Variants in FIS1 observed in about 807,000 individuals in gnomAD.
FIS1 encodes the protein fission, mitochondrial 1, also known as mitochondrial fission 1 protein.
In FIS1, 16 loss-of-function variants were observed where a neutral mutation model predicts 21.6. That is an observed-to-expected ratio of 0.74 (90% CI 0.50 to 1.12). FIS1 has a LOEUF of 1.12. Ranked by LOEUF, FIS1 falls within the 50% of genes most tolerant of loss-of-function variation. The pLI is 0.00. For synonymous variants in FIS1, 92 were observed against 82.2 expected, an observed-to-expected ratio of 1.12 and a Z score of -0.65; for missense variants, 198 against 190.9, an observed-to-expected ratio of 1.04 and a Z score of -0.22.
rs1051003029 is a variant in FIS1 at position 101,240,386 on chromosome 7, A to C, written c.256-139T>G. On this transcript the variant is annotated intron_variant, in intron 3 of 4. Coordinates refer to ENST00000223136, the MANE Select transcript of FIS1 (RefSeq NM_016068.3). The stretch of plus-strand genomic sequence containing the variant: ...CAATCACAGCCCACTGCAACCTCAA[A>C]CTCCCAGGCTCAAGCAGTCCTCCCG... The C allele has an allele frequency of 1.7e-5, 13 of 770,172 alleles. No homozygotes were observed. The Admixed American group carries it at 3.3e-4, about 19-fold the overall frequency. 47.7% of individuals were successfully genotyped at this position (770,172 alleles called of 1,614,324 possible).
rs530316309 is a variant in FIS1 at position 101,244,019 on chromosome 7, C to T, written c.166G>A (p.Val56Met). ...TACAGCGCCTCACCCTCGAGCAGCA[C>T]GATGCCTTTACGGATGTCATCATTG... Reference protein sequence around the residue: ...KYNDDIRKGIVLLEELLPKGS... With the variant: ...KYNDDIRKGIMLLEELLPKGS... The change falls in exon 2 of 5, where the codon GTG (valine) becomes ATG (methionine). Residue 56 changes from valine (V) to methionine (M), a missense_variant. Val to Met is a conservative substitution (Grantham distance 21, BLOSUM62 1). Coordinates refer to ENST00000223136, the MANE Select transcript of FIS1 (RefSeq NM_016068.3). 2.1e-5 allele frequency: 34 copies of T among 1,613,398 alleles called. No homozygotes were observed. The South Asian group carries it at 3.6e-4, about 17-fold the overall frequency.
In FIS1 at chr7:101,244,001, C is replaced by T; in HGVS notation, c.178+6G>A. 1 of 1,611,898 alleles carries T rather than the reference C, an allele frequency of 6.2e-7. No homozygotes were observed. The highest frequency in any genetic ancestry group is 8.5e-7 in the Non-Finnish European group (1 of 1,179,176). On this transcript the variant is annotated splice_donor_region_variant and intron_variant, in intron 2 of 4. Coordinates refer to ENST00000223136, the MANE Select transcript of FIS1 (RefSeq NM_016068.3). ...GCAGCGGGAAAGGGAGAGTACAGCG[C>T]CTCACCCTCGAGCAGCACGATGCCT...
chr7:101,244,734 G>T lies in FIS1; in HGVS notation c.45+226C>A, dbSNP rs965764417. On this transcript the variant is annotated intron_variant, in intron 1 of 4. Coordinates refer to ENST00000223136, the MANE Select transcript of FIS1 (RefSeq NM_016068.3). ...CAGTCTAACCACGGTCGGGCTCCAG[G>T]CCCGTAGTCTGAGGTGTGGGGGGCT... 4 of 584,984 alleles carry T rather than the reference G, an allele frequency of 6.8e-6. No homozygotes were observed. The Admixed American group carries it at 1.2e-4, about 18-fold the overall frequency. 36.2% of individuals were successfully genotyped at this position (584,984 alleles called of 1,614,324 possible).
chr7:101,240,805 G>A (rs760123325), intron 3 of FIS1, 25 bp downstream of exon 3: 4 of 1,611,352 alleles, frequency 2.5e-6, no homozygotes, highest in Non-Finnish European at 3.4e-6. Context: ...AGAGGAGGGT[G>A]AAGGGAACGG....
chr7:101,244,468 G>T (rs1485276143), intron 1 of FIS1: 1 of 352,738 alleles, frequency 2.8e-6, no homozygotes, highest in Non-Finnish European at 5.3e-6. Flanking sequence ...AACAGCCCAC[G>T]CGGTCCTCAT....
At position 101,239,720 on chromosome 7, in the gene FIS1, G is replaced by A. The variant is rs1266464554; in HGVS notation, c.*86C>T. The stretch of plus-strand genomic sequence containing the variant: ...TTAGCTGAAGGCCACAGAGGATAGA[G>A]ACGGGGGGCAGGGGGAGAACAGGGA... On this transcript the variant is annotated 3_prime_UTR_variant, in exon 5 of 5. Coordinates refer to ENST00000223136, the MANE Select transcript of FIS1 (RefSeq NM_016068.3). 27 of 1,127,526 alleles carry A rather than the reference G, an allele frequency of 2.4e-5. No homozygotes were observed. The highest frequency in any genetic ancestry group is 3.4e-5 in the Non-Finnish European group (26 of 760,280). The allele number at this position is 1,127,526 out of a possible 1,614,324, so 69.8% of individuals were successfully genotyped here.
chr7:101,244,791 G>A, intron 1 of FIS1, 169 bp downstream of exon 1: 1 of 742,112 alleles, frequency 1.3e-6, no homozygotes, highest in Non-Finnish European at 2.2e-6. Context: ...AGCCTCTGCG[G>A]CATAGCAGGC....
intron 2 of FIS1, among the ~76,000 whole-genome samples, chr7:101,243,538 G>A (rs940199599): frequency 6.6e-6 from 1 of 152,188 alleles, no homozygotes; most frequent in Non-Finnish European, 1.5e-5. Context: ...CAGCGCCACT[G>A]TACTCCAGCC....
chr7:101,240,858 T>C lies in FIS1; in HGVS notation c.227A>G (p.Tyr76Cys), dbSNP rs747831582. Residue 76 changes from tyrosine (Y) to cysteine (C), a missense_variant, in exon 3 of 5, where the codon TAC becomes TGC. By Grantham distance (194) the Tyr-to-Cys change is radical. Transcript: ENST00000223136. The stretch of plus-strand genomic sequence containing the variant: ...GAGCCGGTAGTTCCCCACGGCCAGG[T>C]AGAAGACGTAATCCCGCTGTTCCTC... ...SKEEQRDYVF[Y>C]LAVGNYRLKE... 5 of 1,613,948 alleles carry C rather than the reference T, an allele frequency of 3.1e-6. No individual in the cohort carries two copies. In the Admixed American group the frequency reaches 6.7e-5, roughly 22 times the overall value.
At position 101,239,530 on chromosome 7, in the gene FIS1, C is replaced by G. The variant is rs2116845640; in HGVS notation, c.*276G>C. ...CCCGTGCCAACCTGGAGGGCAGGGG[C>G]AGGAGAGGACCAGGAGTGACGTCTC... On this transcript the variant is annotated 3_prime_UTR_variant, in exon 5 of 5. Transcript: ENST00000223136. 2 of 513,900 alleles carry G rather than the reference C, an allele frequency of 3.9e-6. No individual in the cohort carries two copies. The highest frequency in any genetic ancestry group is 3.9e-5 in the South Asian group (2 of 50,932). 31.8% of individuals were successfully genotyped at this position (513,900 alleles called of 1,614,324 possible).
In FIS1 at chr7:101,244,083, C is replaced by A; in HGVS notation, c.102G>T (p.Thr34=). The A allele has an allele frequency of 6.2e-7, 1 of 1,614,104 alleles. No individual in the cohort carries two copies. The highest frequency in any genetic ancestry group is 8.5e-7 in the Non-Finnish European group (1 of 1,180,010). Residue 34 remains threonine (T), a synonymous_variant, in exon 2 of 5, where the codon ACG becomes ACT. Coordinates refer to ENST00000223136, the MANE Select transcript of FIS1 (RefSeq NM_016068.3). ...CCAGGCACCAGGCGTACTCAAACTG[C>A]GTGCTCTTGGACACCGAGCCTGCTG... The part of the protein sequence containing the change: ...EKAAGSVSKS[T]QFEYAWCLVR...
chr7:101,240,321 C>T (rs1246920127), intron 3 of FIS1, 74 bp from the exon 4 acceptor site: 8 of 1,483,964 alleles, frequency 5.4e-6, no homozygotes, highest in Non-Finnish European at 6.6e-6. Context: ...TAATAAGAGA[C>T]GGGGTCTTGC....
In FIS1 at chr7:101,240,131, G is replaced by A. The variant is rs773863564; in HGVS notation, c.361+11C>T. 5.0e-6 allele frequency: 8 copies of A among 1,613,228 alleles called. No homozygotes were observed. The highest frequency in any genetic ancestry group is 4.4e-5 in the South Asian group (4 of 91,076). ...AAGAGCGGGGCTGAACAAAGGGGCCGAGGCTGTCACCTTTCTTCATGGCCT... is the reference window on the plus strand; with the variant it reads ...AAGAGCGGGGCTGAACAAAGGGGCCAAGGCTGTCACCTTTCTTCATGGCCT... On this transcript the variant is annotated intron_variant, in intron 4 of 4. Coordinates refer to ENST00000223136, the MANE Select transcript of FIS1 (RefSeq NM_016068.3).
At chr7:101,240,024 C>G in intron 4 of FIS1, 118 bp downstream of exon 4, 8 of 1,413,032 alleles carry the variant, frequency 5.7e-6, no homozygotes, top group Non-Finnish European at 7.9e-6. Context: ...GGGCAAGGGG[C>G]TCTAAGAACT....
chr7:101,242,805 T>C (rs547904813), intron 2 of FIS1, among the ~76,000 whole-genome samples: 40 of 151,926 alleles, frequency 2.6e-4, no homozygotes, highest in Admixed American at 1.3e-3. Context: ...AGATTTTCAA[T>C]AGGCATCCTT....
intron 3 of FIS1, 71 bp downstream of exon 3, chr7:101,240,759 A>G (rs752249823): frequency 4.1e-6 from 6 of 1,453,052 alleles, no homozygotes; most frequent in Non-Finnish European, 4.8e-6. Flanking sequence ...CCAGGGCTCC[A>G]CCCTGGAGGA....
intron 2 of FIS1, among the ~76,000 whole-genome samples, chr7:101,243,744 A>G (rs891703848): frequency 6.6e-5 from 10 of 152,200 alleles, no homozygotes; most frequent in Non-Finnish European, 1.5e-4. Context: ...TCTAGTCCCA[A>G]TTCAGCCATT....
At chr7:101,241,575 C>T (rs1798749105) in intron 2 of FIS1, 1 of 149,072 alleles carries the variant, frequency 6.7e-6, no homozygotes, top group Non-Finnish European at 1.5e-5. Context: ...TTAAAAAAAT[C>T]AGCTCAAAAC....
chr7:101,243,955 C>T (rs576975957), intron 2 of FIS1, 52 bp downstream of exon 2: 1 of 1,563,988 alleles, frequency 6.4e-7, no homozygotes, highest in East Asian at 2.3e-5. Flanking sequence ...ACGGGGCCCA[C>T]ATCGCAGAGC....
Sources: allele counts gnomAD v4.1 joint callset (sites outside exome capture counted in the v4.1 genomes callset), GRCh38; gene constraint gnomAD v4.1.1; transcripts MANE v1.5; gene names NCBI Gene and HGNC (gene_info 2026-07-23, HGNC 2026-07-21).